COL6A6: variants seen among roughly 807,000 people sequenced by gnomAD.
The protein encoded by COL6A6 is collagen alpha-6(VI) chain.
Under a neutral mutation model 208.6 loss-of-function variants are expected in COL6A6, and 183 were observed. The ratio of observed to expected loss-of-function variants is 0.88; its 90% CI spans 0.78 to 0.99. The LOEUF is 0.99. COL6A6 is among the 50% of genes least tolerant of loss of function. The probability of loss-of-function intolerance (pLI) is 0.00; values close to 1 mark genes in which losing one functional copy is unlikely to be tolerated. For missense variants in COL6A6, 2,816 were observed against 2,815.2 expected (o/e 1.00, Z -0.01); for synonymous variants, 973 against 1,011.8 (o/e 0.96, Z 0.73).
chr3:130,623,966 A>G (rs2064811340), intron 24 of COL6A6, among the ~76,000 whole-genome samples: 1 of 152,204 alleles, frequency 6.6e-6, no homozygotes, highest in African/African-American at 2.4e-5. Context: ...TGGAGAAGCC[A>G]TGATATCTGG....
chr3:130,549,768 A>C (rs140703492), intron 1 of COL6A6, among the ~76,000 whole-genome samples: 2,554 of 152,158 alleles, frequency 0.017, 73 homozygotes, highest in African/African-American at 0.056. Flanking sequence ...TTGTACGAGT[A>C]CCATGCTGTT....
intron 10 of COL6A6, among the ~76,000 whole-genome samples, chr3:130,584,759 C>A (rs111478502): frequency 4.6e-5 from 7 of 151,942 alleles, no homozygotes; most frequent in Non-Finnish European, 8.8e-5. Context: ...GGACTACAGG[C>A]GCCTGCCACC....
chr3:130,596,497 A>G (rs955673622), intron 18 of COL6A6, among the ~76,000 whole-genome samples: 2 of 152,206 alleles, frequency 1.3e-5, no homozygotes, highest in African/African-American at 2.4e-5. Context: ...GTTTTTTTAC[A>G]TGTGGCTTCA....
At position 130,649,407 on chromosome 3, in the gene COL6A6, G is replaced by A; in HGVS notation, c.5578G>A (p.Gly1860Arg). 1 of 1,613,038 alleles carries A rather than the reference G, an allele frequency of 6.2e-7. No homozygotes were observed. The highest frequency in any genetic ancestry group is 8.5e-7 in the Non-Finnish European group (1 of 1,179,566). ...SRNVFKRTLP[G>R]AHTRKIATFF... ...GAATGTCTTCAAGCGGACGCTTCCGGGGGCACACACGAGAAAAATCGCCAC... is the reference window on the plus strand; with the variant it reads ...GAATGTCTTCAAGCGGACGCTTCCGAGGGCACACACGAGAAAAATCGCCAC... Residue 1860 changes from glycine (G) to arginine (R), a missense_variant, in exon 33 of 37, where the codon GGG becomes AGG. By Grantham distance (125) the Gly-to-Arg change is moderately radical. Transcript: ENST00000358511.
intron 8 of COL6A6, among the ~76,000 whole-genome samples, chr3:130,580,325 A>T (rs1475421483): frequency 1.3e-5 from 2 of 152,242 alleles, no homozygotes; most frequent in Admixed American, 6.5e-5. Flanking sequence ...CAGTAAAATA[A>T]GATGCTCAGT....
At chr3:130,566,246 T>C (rs2063020572) in intron 4 of COL6A6, among the ~76,000 whole-genome samples, 1 of 152,208 alleles carries the variant, frequency 6.6e-6, no homozygotes, top group South Asian at 2.1e-4. Flanking sequence ...GTCTCACTCA[T>C]GAATAGTAGC....
intron 33 of COL6A6, among the ~76,000 whole-genome samples, chr3:130,650,901 A>T (rs1281707793): frequency 6.6e-6 from 1 of 152,164 alleles, no homozygotes; most frequent in Non-Finnish European, 1.5e-5. Context: ...GTGGTCACTC[A>T]CCTGTGGAGG....
At chr3:130,650,052 G>A (rs948864830) in intron 33 of COL6A6, among the ~76,000 whole-genome samples, 3 of 152,212 alleles carry the variant, frequency 2.0e-5, no homozygotes, top group Admixed American at 6.5e-5. Context: ...AATTATAAAG[G>A]AAAAGCCATT....
intron 1 of COL6A6, among the ~76,000 whole-genome samples, chr3:130,519,628 C>G (rs1378459104): frequency 1.3e-5 from 2 of 152,102 alleles, no homozygotes; most frequent in African/African-American, 4.8e-5. Context: ...AAGTTATAGA[C>G]AAACTCAAAC....
chr3:130,603,861 T>C (rs2064100126), intron 20 of COL6A6, among the ~76,000 whole-genome samples: 1 of 152,092 alleles, frequency 6.6e-6, no homozygotes, highest in South Asian at 2.1e-4. Context: ...TCTAGGAAAT[T>C]GGGCCCTGTA....
At chr3:130,649,645 A>G (rs1205711617) in intron 33 of COL6A6, 83 bp downstream of exon 33, 1 of 1,371,798 alleles carries the variant, frequency 7.3e-7, no homozygotes, top group Non-Finnish European at 9.6e-7. Flanking sequence ...TGCCTTCAAA[A>G]TCAGGGCCAT....
At chr3:130,665,446 G>C (rs1307764960) in intron 36 of COL6A6, among the ~76,000 whole-genome samples, 3 of 152,086 alleles carry the variant, frequency 2.0e-5, no homozygotes, top group African/African-American at 7.2e-5. Context: ...ATTCTAGATT[G>C]CCCCAGGGAA....
chr3:130,674,115 G>T (rs7620462), intron 36 of COL6A6, among the ~76,000 whole-genome samples: 19,047 of 152,124 alleles, frequency 0.13, 3,742 homozygotes, highest in African/African-American at 0.42. Context: ...ATTAAAATGT[G>T]AAGAATGTGT....
intron 33 of COL6A6, among the ~76,000 whole-genome samples, chr3:130,657,541 G>A (rs922036964): frequency 6.6e-6 from 1 of 152,170 alleles, no homozygotes; most frequent in African/African-American, 2.4e-5. Context: ...AAGCATAGCC[G>A]CTATGATTGG....
intron 24 of COL6A6, among the ~76,000 whole-genome samples, chr3:130,622,107 C>T (rs2064738233): frequency 6.6e-6 from 1 of 152,072 alleles, no homozygotes; most frequent in African/African-American, 2.4e-5. Flanking sequence ...GAGGGATACA[C>T]CCTATTGGAG....
intron 10 of COL6A6, 46 bp from the exon 11 acceptor site, chr3:130,586,460 T>G: frequency 6.5e-7 from 1 of 1,547,052 alleles, no homozygotes; most frequent in South Asian, 1.3e-5. Flanking sequence ...AAAACTAAAG[T>G]AACCAAACCC....
intron 24 of COL6A6, among the ~76,000 whole-genome samples, chr3:130,623,557 C>T (rs900180269): frequency 6.6e-6 from 1 of 151,308 alleles, no homozygotes; most frequent in Admixed American, 6.6e-5. Context: ...GGTGACTTAA[C>T]GGGGTGAGGA....
Position 130,609,731 on chromosome 3 carries a change from T to TA in COL6A6, c.4752+768dup, listed in dbSNP as rs535061598. 3.3e-3 allele frequency among the ~76,000 whole-genome samples: 510 copies of TA among 152,298 alleles called. 1 individual carries two copies. The highest frequency in any genetic ancestry group is 0.012 in the African/African-American group (480 of 41,546). ...TAGGCAGGACAATCAACGGCTCTGCTATTTTTCAAACTTTTAATCCACATA... is the reference window on the plus strand; with the variant it reads ...TAGGCAGGACAATCAACGGCTCTGCTAATTTTTCAAACTTTTAATCCACATA... On this transcript the variant is annotated intron_variant, in intron 22 of 36. Transcript: ENST00000358511.
intron 1 of COL6A6, among the ~76,000 whole-genome samples, chr3:130,556,595 T>G (rs1317889341): frequency 6.6e-6 from 1 of 152,212 alleles, no homozygotes; most frequent in Non-Finnish European, 1.5e-5. Flanking sequence ...CAGTCTGTTC[T>G]GAGATTTTTC....
Sources: gnomAD v4.1 joint callset for allele counts (sites outside exome capture counted in the v4.1 genomes callset) on GRCh38, gnomAD v4.1.1 for gene constraint, MANE v1.5 for transcripts, NCBI Gene and HGNC (gene_info 2026-07-23, HGNC 2026-07-21) for gene names.